GNPTAB: variants seen among roughly 807,000 people sequenced by gnomAD.
The protein encoded by GNPTAB is N-acetylglucosamine-1-phosphate transferase subunits alpha and beta.
Under a neutral mutation model 136.6 loss-of-function variants are expected in GNPTAB, and 92 were observed. The observed-to-expected ratio is 0.67, with a 90% CI of 0.57 to 0.80. The LOEUF (loss-of-function observed/expected upper bound fraction) is 0.80. Ranked by LOEUF, GNPTAB falls within the 30% of genes least tolerant of loss-of-function variation. The probability of loss-of-function intolerance (pLI) is 0.00; values close to 1 mark genes in which losing one functional copy is unlikely to be tolerated. For missense variants in GNPTAB, 1,343 were observed against 1,501.8 expected (o/e 0.89, Z 1.75); for synonymous variants, 512 against 535.1 (o/e 0.96, Z 0.60).
At chr12:101,802,199 T>TAAAA (rs112485347) in intron 1 of GNPTAB, among the ~76,000 whole-genome samples, 4 of 108,188 alleles carry the variant, frequency 3.7e-5, no homozygotes, top group African/African-American at 1.0e-4. Context: ...CCCTGTCTCT[T>TAAAA]AAAAAAAAAA....
intron 1 of GNPTAB, among the ~76,000 whole-genome samples, chr12:101,813,304 G>A (rs1382258214): frequency 6.6e-6 from 1 of 152,174 alleles, no homozygotes; most frequent in African/African-American, 2.4e-5. Context: ...GGAGTTTGCT[G>A]CTCCATTTTA....
chr12:101,766,056 T>A, intron 12 of GNPTAB, 35 bp downstream of exon 12: 1 of 1,568,560 alleles, frequency 6.4e-7, no homozygotes, highest in Non-Finnish European at 8.8e-7. Context: ...GGATGTTTTA[T>A]GCTCCCATTC....
At chr12:101,780,658 ATG>A in intron 5 of GNPTAB, 37 bp from the exon 6 acceptor site, 1 of 1,277,286 alleles carries the variant, frequency 7.8e-7, no homozygotes, top group Non-Finnish European at 1.1e-6. Flanking sequence ...CACATTTTTA[ATG>A]AATACTCAAC....
At chr12:101,778,350 T>C (rs1423867874) in intron 7 of GNPTAB, 1 of 152,226 alleles carries the variant, frequency 6.6e-6, no homozygotes, top group African/African-American at 2.4e-5. Context: ...AATGCCATTC[T>C]GTCTACATAA....
At chr12:101,774,013 A>G (rs998115965) in intron 7 of GNPTAB, among the ~76,000 whole-genome samples, 1 of 152,266 alleles carries the variant, frequency 6.6e-6, no homozygotes, top group African/African-American at 2.4e-5. Context: ...TGACTAAGAA[A>G]TAAAGCTTTG....
At position 101,780,149 on chromosome 12, in the gene GNPTAB, T is replaced by C. The variant is rs1335326128; in HGVS notation, c.771+3A>G. 23 of 1,612,578 alleles carry C rather than the reference T, an allele frequency of 1.4e-5. No individual in the cohort carries two copies. The highest frequency in any genetic ancestry group is 3.3e-5 in the Admixed American group (2 of 60,008). Reference sequence around the variant, plus strand: ...CTAATTGCTCTATTTTCTATGTTCTTACCAGTTTGACTTTAGAGGAAAGAT... The same window carrying C: ...CTAATTGCTCTATTTTCTATGTTCTCACCAGTTTGACTTTAGAGGAAAGAT... On this transcript the variant is annotated splice_donor_region_variant and intron_variant, in intron 7 of 20. Transcript: ENST00000299314.
intron 18 of GNPTAB, among the ~76,000 whole-genome samples, chr12:101,755,576 T>A (rs1052265386): frequency 6.6e-6 from 1 of 152,188 alleles, no homozygotes; most frequent in Non-Finnish European, 1.5e-5. Flanking sequence ...TGTGGCCTGA[T>A]GATGAAGCCA....
In GNPTAB at chr12:101,764,448, T is replaced by C. The variant is rs2137116328; in HGVS notation, c.2469A>G (p.Gln823=). 6.2e-7 allele frequency: 1 copy of C among 1,613,674 alleles called. No homozygotes were observed. Among genetic ancestry groups the C allele is most frequent in the East Asian group, 2.2e-5 (1 of 44,880 alleles). ...TARFRVETHT[Q]KTIGGNVTKE... is the part of the protein sequence containing the mutation. ...TTGTCACATTTCCGCCTATGGTTTT[T>C]TGGGTGTGAGTTTCCACTCTAAATC... The change falls in exon 13 of 21, where the codon CAA becomes CAG. Residue 823 remains glutamine (Q), a synonymous_variant. Transcript: ENST00000299314.
At chr12:101,812,594 T>C (rs1870296741) in intron 1 of GNPTAB, among the ~76,000 whole-genome samples, 1 of 151,838 alleles carries the variant, frequency 6.6e-6, no homozygotes, top group Admixed American at 6.6e-5. Flanking sequence ...CCCCCATCTC[T>C]ACAAAAAAAT....
At chr12:101,807,946 TAAC>T (rs1316413281) in intron 1 of GNPTAB, among the ~76,000 whole-genome samples, 3 of 152,090 alleles carry the variant, frequency 2.0e-5, no homozygotes, top group East Asian at 1.9e-4. Flanking sequence ...CTCTCCTATA[TAAC>T]AACAATGAAC....
chr12:101,818,109 T>C (rs1028070361), intron 1 of GNPTAB, among the ~76,000 whole-genome samples: 3 of 152,190 alleles, frequency 2.0e-5, no homozygotes, highest in Non-Finnish European at 4.4e-5. Flanking sequence ...TAGAACTACT[T>C]TTGTTCTTAG....
chr12:101,764,053 G>T, intron 13 of GNPTAB, 149 bp downstream of exon 13: 1 of 1,004,162 alleles, frequency 1.0e-6, no homozygotes, highest in Non-Finnish European at 1.5e-6. Flanking sequence ...TAGGGTTATT[G>T]GGTAAATTAA....
intron 1 of GNPTAB, among the ~76,000 whole-genome samples, chr12:101,826,097 T>C (rs1871072820): frequency 6.6e-6 from 1 of 152,208 alleles, no homozygotes; most frequent in African/African-American, 2.4e-5. Flanking sequence ...TATAAGACAC[T>C]GGTCACCACT....
chr12:101,782,058 C>G (rs1868375738), intron 5 of GNPTAB, among the ~76,000 whole-genome samples: 1 of 152,132 alleles, frequency 6.6e-6, no homozygotes, highest in Admixed American at 6.5e-5. Flanking sequence ...CTTGCTGAAC[C>G]CTCTATCAAT....
In GNPTAB at chr12:101,796,476, CTCTG is replaced by C. The variant is rs66520841; in HGVS notation, c.203+197_203+200del. ...CTTGCACAGGGGCCACACTAATCTT[CTCTG>C]TATCGTTCCAGTTTTTTTTTCCTTT... is the stretch of plus-strand genomic sequence containing the variant. On this transcript the variant is annotated intron_variant, in intron 2 of 20. Coordinates refer to ENST00000299314, the MANE Select transcript of GNPTAB (RefSeq NM_024312.5). 8,976 of 618,938 alleles carry C rather than the reference CTCTG, an allele frequency of 0.015. 86 individuals are homozygous for C. Among genetic ancestry groups the C allele is most frequent in the Non-Finnish European group, 0.019 (6,816 of 350,590 alleles). The allele number at this position is 618,938 out of a possible 1,614,324, so 38.3% of individuals were successfully genotyped here. A position where few individuals can be genotyped will look rare whatever the true frequency, so the allele number is the denominator to read the frequency against.
At chr12:101,765,397 T>C (rs1953075266) in intron 12 of GNPTAB, 93 bp from the exon 13 acceptor site, 4 of 901,072 alleles carry the variant, frequency 4.4e-6, no homozygotes, top group Non-Finnish European at 7.2e-6. Context: ...TTCACTTTCT[T>C]TTAAAAAAAA....
chr12:101,756,985 C>T (rs1191165081), intron 18 of GNPTAB: 3 of 489,722 alleles, frequency 6.1e-6, no homozygotes, highest in Non-Finnish European at 1.1e-5. Context: ...CTCTGAACAG[C>T]TTGTTATTAA....
At chr12:101,785,949 G>T in intron 5 of GNPTAB, 63 bp downstream of exon 5, 2 of 1,217,536 alleles carry the variant, frequency 1.6e-6, no homozygotes, top group Non-Finnish European at 2.4e-6. Context: ...ATTCCACTCA[G>T]AATTTTGTTA....
chr12:101,765,276 G>A lies in GNPTAB; in HGVS notation c.1641C>T (p.Ile547=). ...TATAGTGAGTCTGGTTTGGGAGAAG[G>A]ATCACTTTATACAATTCATGAAAAT... ...QDHFHELYKV[I]LLPNQTHYII... The change falls in exon 13 of 21, where the codon ATC becomes ATT. Residue 547 remains isoleucine, a synonymous_variant. Transcript: ENST00000299314. The A allele has an allele frequency of 1.2e-6, 2 of 1,612,092 alleles. No individual in the cohort carries two copies. Among genetic ancestry groups the A allele is most frequent in the Non-Finnish European group, 1.7e-6 (2 of 1,178,344 alleles).
Sources: allele counts gnomAD v4.1 joint callset (sites outside exome capture counted in the v4.1 genomes callset), GRCh38; gene constraint gnomAD v4.1.1; transcripts MANE v1.5; gene names NCBI Gene and HGNC (gene_info 2026-07-23, HGNC 2026-07-21).